The following HLA-DPA1 variants were observed in gnomAD, a reference collection of about 807,000 sequenced individuals.
HLA-DPA1 encodes major histocompatibility complex, class II, DP alpha 1, also known as HLA class II histocompatibility antigen, DP alpha 1 chain.
A neutral mutation model predicts 21.5 loss-of-function variants in HLA-DPA1; 20 were observed. That is an observed-to-expected ratio of 0.93 (90% CI 0.66 to 1.35). The LOEUF is 1.35. Ranked by LOEUF, HLA-DPA1 falls within the 40% of genes most tolerant of loss-of-function variation. HLA-DPA1 has a pLI of 0.00. For synonymous variants in HLA-DPA1, 123 were observed against 129.6 expected (o/e 0.95, Z 0.35); for missense variants, 279 against 323.0 (o/e 0.86, Z 1.05).
intron 2 of HLA-DPA1, among the ~76,000 whole-genome samples, chr6:33,070,713 A>T (rs116103898): frequency 6.6e-6 from 1 of 152,150 alleles, no homozygotes; most frequent in East Asian, 1.9e-4. Flanking sequence ...ATATTTCAAC[A>T]TTTATTTTAT....
At chr6:33,078,182 G>C (rs1457138949) in intron 1 of HLA-DPA1, among the ~76,000 whole-genome samples, 1 of 152,268 alleles carries the variant, frequency 6.6e-6, no homozygotes, top group Non-Finnish European at 1.5e-5. Context: ...GCAGTGAAAG[G>C]GAGGACGGGC....
intron 5 of HLA-DPA1, 73 bp downstream of exon 4, chr6:33,068,565 C>T (rs549036405): frequency 1.3e-5 from 16 of 1,226,864 alleles, no homozygotes; most frequent in South Asian, 4.3e-5. Context: ...GATCAATGAA[C>T]ACTTATCAGA....
At chr6:33,078,169 T>G (rs564276921) in intron 1 of HLA-DPA1, among the ~76,000 whole-genome samples, 1 of 151,978 alleles carries the variant, frequency 6.6e-6, no homozygotes, top group Non-Finnish European at 1.5e-5. Flanking sequence ...CATGTGATGC[T>G]GGGCAGTGAA....
In HLA-DPA1 at chr6:33,076,149, C is replaced by T. The variant is rs143352256; in HGVS notation, c.-99-2480G>A. 1.3e-3 allele frequency: 2,024 copies of T among 1,579,764 alleles called. 37 individuals carry two copies. The East Asian group carries it at 0.013, about 10-fold the overall frequency. On this transcript the variant is annotated intron_variant, in intron 1 of 5. Coordinates refer to ENST00000419277, the Ensembl canonical transcript of HLA-DPA1. ...AGGGCAGGGCCACTCCAGGTAAGAG[C>T]CGAACTGCCATTCTTGGAGGGTCTG...
intron 2 of HLA-DPA1, among the ~76,000 whole-genome samples, chr6:33,071,113 CAT>C (rs1183057457): frequency 7.4e-6 from 1 of 134,930 alleles, no homozygotes; most frequent in East Asian, 3.5e-4. Context: ...TCAGCCCTGA[CAT>C]GTGGGGACCC....
At chr6:33,074,729 G>A (rs1023697185) in intron 1 of HLA-DPA1, among the ~76,000 whole-genome samples, 2 of 152,284 alleles carry the variant, frequency 1.3e-5, no homozygotes, top group Middle Eastern at 3.4e-3. Flanking sequence ...AAACCTGAGG[G>A]AGGTATTATT....
At chr6:33,070,454 G>C (rs1352690495) in intron 2 of HLA-DPA1, among the ~76,000 whole-genome samples, 3 of 152,020 alleles carry the variant, frequency 2.0e-5, no homozygotes, top group Non-Finnish European at 4.4e-5. Context: ...TCATGGGGGT[G>C]GGGGAATGGA....
Position 33,069,895 on chromosome 6 carries a change from A to G in HLA-DPA1, c.101-9T>C. 1 of 1,604,184 alleles carries G rather than the reference A, an allele frequency of 6.2e-7. No individual in the cohort carries two copies. The highest frequency in any genetic ancestry group is 1.4e-5 in the African/African-American group (1 of 73,984). Reference sequence around the variant, plus strand: ...AGTTGACACATGGTCCGCTGCATAAAGACAGTAGAGAAAAACACGACAAAA... The same window carrying G: ...AGTTGACACATGGTCCGCTGCATAAGGACAGTAGAGAAAAACACGACAAAA... On this transcript the variant is annotated splice_polypyrimidine_tract_variant and intron_variant, in intron 2 of 5. Coordinates refer to ENST00000419277, the Ensembl canonical transcript of HLA-DPA1.
chr6:33,079,601 G>A (rs954135184), intron 1 of HLA-DPA1: 43 of 451,890 alleles, frequency 9.5e-5, no homozygotes, highest in African/African-American at 8.2e-4. Context: ...AAGGTCCAAG[G>A]GCCAGATCTT....
At chr6:33,076,134 C>A (rs2150366648) in intron 1 of HLA-DPA1, 1 of 1,606,800 alleles carries the variant, frequency 6.2e-7, no homozygotes, top group African/African-American at 1.3e-5. Flanking sequence ...AGGGCAGGGC[C>A]ACTCCAGGTA....
At chr6:33,079,648 C>CA (rs548188684) in intron 1 of HLA-DPA1, 85 of 467,090 alleles carry the variant, frequency 1.8e-4, no homozygotes, top group Middle Eastern at 3.9e-4. Flanking sequence ...ACAACAACAA[C>CA]AAAAAAAACA....
intron 1 of HLA-DPA1, among the ~76,000 whole-genome samples, chr6:33,078,330 T>C (rs1232365240): frequency 6.6e-6 from 1 of 152,066 alleles, no homozygotes; most frequent in African/African-American, 2.4e-5. Context: ...GCTGGAGCCA[T>C]AGGGGAGTGG....
intron 2 of HLA-DPA1, 182 bp downstream of exon 1, chr6:33,073,289 A>C: frequency 1.8e-6 from 1 of 551,054 alleles, no homozygotes; most frequent in South Asian, 2.6e-5. Flanking sequence ...GAAAGAAACT[A>C]TGCAGGAGTC....
chr6:33,067,164 T>A (rs1761999420), intron 5 of HLA-DPA1: 1 of 152,170 alleles, frequency 6.6e-6, no homozygotes, highest in Non-Finnish European at 1.5e-5. Flanking sequence ...ATGATCCAGG[T>A]ATCCCAGGAG....
intron 5 of HLA-DPA1, chr6:33,066,285 C>G (rs1210446478): frequency 1.3e-5 from 2 of 152,218 alleles, no homozygotes; most frequent in African/African-American, 4.8e-5. Context: ...AGATGGAACT[C>G]AGACACAGGC....
chr6:33,069,267 G>A, exon 4 of HLA-DPA1: 2 of 1,613,000 alleles, frequency 1.2e-6, no homozygotes, highest in Non-Finnish European at 1.7e-6. Context: ...CAGCTCCACA[G>A]GCTCCTTGGG....
At position 33,080,266 on chromosome 6, in the gene HLA-DPA1, T is replaced by A; in HGVS notation, c.-100+414A>T. 2 of 371,236 alleles carry A rather than the reference T, an allele frequency of 5.4e-6. No individual in the cohort carries two copies. Among genetic ancestry groups the A allele is most frequent in the Non-Finnish European group, 1.1e-5 (2 of 189,976 alleles). 23.0% of individuals were successfully genotyped at this position (371,236 alleles called of 1,614,324 possible). A position where few individuals can be genotyped will look rare whatever the true frequency, so the allele number is the denominator to read the frequency against. The stretch of plus-strand genomic sequence containing the variant: ...ACCAGGACTGACATCAGGATGGAAA[T>A]GTCAGTCAGGGAGTTAAGTAGGGGG... On this transcript the variant is annotated intron_variant, in intron 1 of 5. Coordinates refer to ENST00000419277, the Ensembl canonical transcript of HLA-DPA1. This position sits in a 1 kb window ranked among gnomAD's most constrained non-coding sequence, Gnocchi z 4.3.
At chr6:33,071,861 T>C (rs1762298485) in intron 2 of HLA-DPA1, among the ~76,000 whole-genome samples, 1 of 152,168 alleles carries the variant, frequency 6.6e-6, no homozygotes, top group Admixed American at 6.5e-5. Flanking sequence ...TGTGGGGCTA[T>C]TGCACTTAGA....
rs368373459 is a variant in HLA-DPA1 at position 33,069,631 on chromosome 6, T to C, written c.346+10A>G. 4.3e-6 allele frequency: 7 copies of C among 1,611,554 alleles called. No homozygotes were observed. The highest frequency in any genetic ancestry group is 4.0e-5 in the African/African-American group (3 of 74,728). ...TGGGCTACAGAGGAAGAGGCAAAGA[T>C]AGGGCGTACCGTTGGTGGCCTGAGT... On this transcript the variant is annotated intron_variant, in intron 3 of 5. Transcript: ENST00000419277.
Sources: gnomAD v4.1 joint callset for allele counts (sites outside exome capture counted in the v4.1 genomes callset) on GRCh38, gnomAD v4.1.1 for gene constraint, Gnocchi (gnomAD v3.1) non-coding constraint, MANE v1.5 for transcripts, NCBI Gene and HGNC (gene_info 2026-07-23, HGNC 2026-07-21) for gene names.